The following MYO1A variants were observed in gnomAD, a reference collection of about 807,000 sequenced individuals.
MYO1A encodes the protein unconventional myosin-Ia.
Under a neutral mutation model 138.5 loss-of-function variants are expected in MYO1A, and 127 were observed. The observed-to-expected ratio is 0.92, with a 90% confidence interval of 0.79 to 1.06. The LOEUF (loss-of-function observed/expected upper bound fraction) is 1.06. MYO1A is among the 50% of genes least tolerant of loss of function. The probability of loss-of-function intolerance (pLI) is 0.00; values close to 1 mark genes in which losing one functional copy is unlikely to be tolerated. For synonymous variants in MYO1A, 477 were observed against 497.5 expected (o/e 0.96, Z 0.55); for missense variants, 1,211 against 1,288.8 (o/e 0.94, Z 0.92).
intron 12 of MYO1A, among the ~76,000 whole-genome samples, chr12:57,041,946 G>A (rs1255057421): frequency 6.6e-6 from 1 of 152,184 alleles, no homozygotes; most frequent in African/African-American, 2.4e-5. Flanking sequence ...TTCAGTAATA[G>A]CTTCTAAATA....
chr12:57,044,443 C>T (rs2031004517), intron 8 of MYO1A, among the ~76,000 whole-genome samples: 1 of 152,202 alleles, frequency 6.6e-6, no homozygotes, highest in African/African-American at 2.4e-5. Flanking sequence ...GGCTGGAGGG[C>T]AGTGGTGCGA....
chr12:57,041,473 CCTT>C lies in MYO1A; in HGVS notation c.1120_1122del (p.Lys374del), dbSNP rs1262543337. ...CCGTAGATATCAAGGACTCCCATTA[CCTT>C]CTTCTTTTCCCCGATGCCCACCTGA... On this transcript the variant is annotated inframe_deletion, in exon 13 of 28. Transcript: ENST00000300119. The C allele has an allele frequency of 6.2e-7, 1 of 1,613,752 alleles. No individual in the cohort carries two copies. Among genetic ancestry groups the C allele is most frequent in the African/African-American group, 1.3e-5 (1 of 74,914 alleles).
At chr12:57,049,144 C>T (rs1565649436) in intron 1 of MYO1A, among the ~76,000 whole-genome samples, 1 of 152,238 alleles carries the variant, frequency 6.6e-6, no homozygotes, top group Non-Finnish European at 1.5e-5. Context: ...ACACACCTAG[C>T]TTCTTGCGGG....
In MYO1A at chr12:57,037,879, C is replaced by T. The variant is rs202083321; in HGVS notation, c.1951G>A (p.Gly651Arg). The change falls in exon 18 of 28, where the codon GGG becomes AGG. Residue 651 changes from glycine to arginine, a missense_variant. Coordinates refer to ENST00000300119, the MANE Select transcript of MYO1A (RefSeq NM_005379.4). ...LSRSTWPHWN[G>R]GDREGVEKVL... ...CCCATGGGGTCTTACCGGTCTCCCC[C>T]ATTCCAGTGAGGCCAGGTGCTCCGG... 1.1e-5 allele frequency: 17 copies of T among 1,614,124 alleles called. No individual in the cohort carries two copies. Among genetic ancestry groups the T allele is most frequent in the Non-Finnish European group, 1.4e-5 (17 of 1,180,008 alleles).
In MYO1A at chr12:57,029,711, C is replaced by T. The variant is rs373891069; in HGVS notation, c.2724+29G>A. On this transcript the variant is annotated intron_variant, in intron 25 of 27. Coordinates refer to ENST00000300119, the MANE Select transcript of MYO1A (RefSeq NM_005379.4). Reference sequence around the variant, plus strand: ...CCAGCCCACAGCTCTGCACTAGCTGCGGGAGGAGTTCAGCCTGCAGGCCCT... The same window carrying T: ...CCAGCCCACAGCTCTGCACTAGCTGTGGGAGGAGTTCAGCCTGCAGGCCCT... 7.5e-5 allele frequency: 121 copies of T among 1,614,104 alleles called. 1 individual carries two copies. In the African/African-American group the frequency reaches 1.1e-3, roughly 15 times the overall value.
chr12:57,047,565 C>A, intron 4 of MYO1A, 62 bp downstream of exon 4: 2 of 1,580,920 alleles, frequency 1.3e-6, no homozygotes, highest in Non-Finnish European at 1.7e-6. Context: ...GTCTGGCTTG[C>A]AAAGAGACAA....
intron 22 of MYO1A, among the ~76,000 whole-genome samples, chr12:57,033,362 C>G (rs1475256308): frequency 6.6e-6 from 1 of 151,968 alleles, no homozygotes; most frequent in Non-Finnish European, 1.5e-5. Context: ...TTGTTTTTGC[C>G]TCTTTTTTTG....
rs1474391063 is a variant in MYO1A, at chr12:57,048,344, C to T, written c.-20-1G>A. On this transcript the variant is annotated splice_acceptor_variant, in intron 1 of 27. Transcript: ENST00000300119. LOFTEE classifies it low-confidence loss of function (5UTR_SPLICE). ...GGCATGTCCAGAGGGGCCACTGATC[C>T]TGGGAATAAGAGGCACAGTTTGCTG... is the stretch of plus-strand genomic sequence containing the variant. The T allele has an allele frequency of 6.4e-7, 1 of 1,573,682 alleles. No homozygotes were observed. Among genetic ancestry groups the T allele is most frequent in the South Asian group, 1.1e-5 (1 of 90,220 alleles).
chr12:57,038,141 C>T, intron 17 of MYO1A, 72 bp from the exon 18 acceptor site: 1 of 1,533,958 alleles, frequency 6.5e-7, no homozygotes, highest in Middle Eastern at 1.7e-4. Context: ...TCATATTCCC[C>T]TATGCTGCAC....
In MYO1A at chr12:57,028,733, A is replaced by T. The variant is rs367714595; in HGVS notation, c.*22T>A. The T allele has an allele frequency of 2.5e-6, 4 of 1,613,588 alleles. No individual in the cohort carries two copies. The African/African-American group carries it at 5.3e-5, about 22-fold the overall frequency. Reference sequence around the variant, plus strand: ...GCTGGTTCAGGAGGAAGCAACTGCCATCTCTGCATGGTGCCCCCTCCTCAC... The same window carrying T: ...GCTGGTTCAGGAGGAAGCAACTGCCTTCTCTGCATGGTGCCCCCTCCTCAC... On this transcript the variant is annotated 3_prime_UTR_variant, in exon 28 of 28. Transcript: ENST00000300119.
Position 57,036,319 on chromosome 12 carries a change from G to A in MYO1A, c.2337C>T (p.Ile779=), listed in dbSNP as rs1215892809. The A allele has an allele frequency of 6.2e-7, 1 of 1,613,786 alleles. No homozygotes were observed. Among genetic ancestry groups the A allele is most frequent in the South Asian group, 1.1e-5 (1 of 91,056 alleles). The part of the protein sequence containing the change: ...SEAALTLADF[I]YKSMVQKFLL... ...CCCTACCACTTACCATGCTCTTGTAGATGAAATCTGCCAAGGTGAGGGCAG... is the reference window on the plus strand; with the variant it reads ...CCCTACCACTTACCATGCTCTTGTAAATGAAATCTGCCAAGGTGAGGGCAG... Residue 779 remains isoleucine (I), a synonymous_variant, in exon 22 of 28, where the codon ATC becomes ATT. Coordinates refer to ENST00000300119, the MANE Select transcript of MYO1A (RefSeq NM_005379.4).
chr12:57,050,469 T>C (rs1328127657), upstream of MYO1A, among the ~76,000 whole-genome samples: 2 of 152,178 alleles, frequency 1.3e-5, no homozygotes, highest in Non-Finnish European at 2.9e-5. Flanking sequence ...GAGGATCACT[T>C]GAGCCCAGGA....
intron 12 of MYO1A, among the ~76,000 whole-genome samples, chr12:57,042,757 A>G (rs990816683): frequency 3.9e-5 from 6 of 152,136 alleles, no homozygotes; most frequent in Non-Finnish European, 8.8e-5. Flanking sequence ...CACACCCAGC[A>G]TATTAGTGTT....
chr12:57,045,932 C>T (rs1466030062), intron 8 of MYO1A, among the ~76,000 whole-genome samples: 1 of 152,220 alleles, frequency 6.6e-6, no homozygotes, highest in African/African-American at 2.4e-5. Context: ...CACCTCTTAT[C>T]CCTAGAAGAC....
rs767141418 is a variant in MYO1A, at chr12:57,038,410, A to C, written c.1760+2T>G. Reference sequence around the variant, plus strand: ...ATGTTCCCCTGCATGCCAGCATGTCACCTGATGTAGTTGGGGCTCTTGGAA... The same window carrying C: ...ATGTTCCCCTGCATGCCAGCATGTCCCCTGATGTAGTTGGGGCTCTTGGAA... On this transcript the variant is annotated splice_donor_variant, in intron 17 of 27. Transcript: ENST00000300119. LOFTEE classifies it high-confidence loss of function. 1.6e-5 allele frequency: 26 copies of C among 1,614,032 alleles called. No individual in the cohort carries two copies. Among genetic ancestry groups the C allele is most frequent in the Non-Finnish European group, 2.2e-5 (26 of 1,179,926 alleles).
chr12:57,040,468 A>C (rs889879001), intron 14 of MYO1A, among the ~76,000 whole-genome samples: 32 of 152,320 alleles, frequency 2.1e-4, no homozygotes, highest in African/African-American at 7.5e-4. Context: ...AACTTTCCTT[A>C]TATACTTTCT....
intron 27 of MYO1A, 52 bp from the exon 28 acceptor site, chr12:57,028,933 C>T (rs758452894): frequency 9.3e-6 from 15 of 1,604,844 alleles, no homozygotes; most frequent in African/African-American, 4.0e-5. Flanking sequence ...CACCCCGACT[C>T]CCGCATTTCC....
chr12:57,029,678 T>C lies in MYO1A; in HGVS notation c.2724+62A>G. ...CGCAAACACAGCCTGCCATCTGCTC[T>C]CCAGATGCCAGCCCACAGCTCTGCA... is the stretch of plus-strand genomic sequence containing the variant. On this transcript the variant is annotated intron_variant, in intron 25 of 27. Coordinates refer to ENST00000300119, the MANE Select transcript of MYO1A (RefSeq NM_005379.4). 4.3e-6 allele frequency: 7 copies of C among 1,613,880 alleles called. No individual in the cohort carries two copies. In the South Asian group the frequency reaches 7.7e-5, roughly 18 times the overall value.
Position 57,036,313 on chromosome 12 carries a change from C to A in MYO1A, c.2343G>T (p.Lys781Asn). The A allele has an allele frequency of 6.2e-7, 1 of 1,613,698 alleles. No individual in the cohort carries two copies. Among genetic ancestry groups the A allele is most frequent in the South Asian group, 1.1e-5 (1 of 91,030 alleles). Residue 781 changes from lysine to asparagine, a missense_variant, in exon 22 of 28, where the codon AAG becomes AAT. Lys to Asn is a moderately conservative substitution (Grantham distance 94, BLOSUM62 0). Transcript: ENST00000300119. ...CCTAACCCCTACCACTTACCATGCTCTTGTAGATGAAATCTGCCAAGGTGA... is the reference window on the plus strand; with the variant it reads ...CCTAACCCCTACCACTTACCATGCTATTGTAGATGAAATCTGCCAAGGTGA... ...AALTLADFIY[K>N]SMVQKFLLGL...
Sources: gnomAD v4.1 joint callset for allele counts (sites outside exome capture counted in the v4.1 genomes callset) on GRCh38, gnomAD v4.1.1 for gene constraint, MANE v1.5 for transcripts, NCBI Gene and HGNC (gene_info 2026-07-23, HGNC 2026-07-21) for gene names.